CASK: variants seen among roughly 807,000 people sequenced by gnomAD.
CASK encodes peripheral plasma membrane protein CASK.
In CASK, 4 loss-of-function variants were observed where a neutral mutation model predicts 82.9. That is an observed-to-expected ratio of 0.05 (90% confidence interval 0.02 to 0.11). The LOEUF (loss-of-function observed/expected upper bound fraction) is 0.11. Ranked by LOEUF, CASK falls within the 10% of genes least tolerant of loss-of-function variation. CASK has a pLI of 1.00. For synonymous variants in CASK, 259 were observed against 253.5 expected, an observed-to-expected ratio of 1.02 and a Z score of -0.20; for missense variants, 358 against 720.9, an observed-to-expected ratio of 0.50 and a Z score of 5.76.
At chrX:41,824,196 A>G (rs2070609686) in intron 2 of CASK, among the ~76,000 whole-genome samples, 1 of 111,852 alleles carries the variant, frequency 8.9e-6, no homozygotes, top group African/African-American at 3.2e-5. Context: ...AGGAGGGGGA[A>G]AAAAAAGCAA....
rs113373203 is a variant in CASK, at chrX:41,799,438, G to T, written c.173-12155C>A. On this transcript the variant is annotated intron_variant, in intron 2 of 26. Transcript: ENST00000378163. ...GCCTGTAATCCCAGCTACTCAGGAG[G>T]CTGAGGCAGGGGACTCGCTTGAACC... Among the ~76,000 whole-genome samples the T allele has an allele frequency of 3.3e-3, 367 of 110,611 alleles. 3 individuals carry two copies. The highest frequency in any genetic ancestry group is 4.8e-3 in the Non-Finnish European group (252 of 52,817).
chrX:41,613,490 A>G (rs1343190606), intron 11 of CASK, among the ~76,000 whole-genome samples: 8 of 95,111 alleles, frequency 8.4e-5, no homozygotes, highest in African/African-American at 2.7e-4. Flanking sequence ...GGACACAAAC[A>G]CTGCGGAAGG....
chrX:41,757,423 A>G (rs904194032), intron 3 of CASK, among the ~76,000 whole-genome samples: 1 of 111,839 alleles, frequency 8.9e-6, no homozygotes. Context: ...TGCCTATTCT[A>G]GCTCCTAACT....
intron 8 of CASK, among the ~76,000 whole-genome samples, chrX:41,646,692 C>A (rs972759340): frequency 4.5e-5 from 5 of 111,886 alleles, no homozygotes; most frequent in African/African-American, 1.6e-4. Context: ...TACTTACCTC[C>A]AACCTGACTA....
chrX:41,520,737 T>C (rs2064625534), intron 26 of CASK, 141 bp from the exon 27 acceptor site: 3 of 537,153 alleles, frequency 5.6e-6, no homozygotes, highest in Non-Finnish European at 9.7e-6. Context: ...GACCCTGATA[T>C]GCCATATGCC....
At chrX:41,642,503 T>C (rs2066676712) in intron 8 of CASK, among the ~76,000 whole-genome samples, 1 of 112,627 alleles carries the variant, frequency 8.9e-6, no homozygotes. Context: ...CCAGTGATGA[T>C]GAGCATTTTT....
intron 1 of CASK, among the ~76,000 whole-genome samples, chrX:41,920,079 G>GGAGT (rs1221816800): frequency 8.9e-6 from 1 of 111,832 alleles, no homozygotes; most frequent in African/African-American, 3.2e-5. Context: ...CGTAGGTAGA[G>GGAGT]GAGTGAGTGG....
chrX:41,772,467 G>T (rs1479613799), intron 3 of CASK, among the ~76,000 whole-genome samples: 2 of 109,629 alleles, frequency 1.8e-5, no homozygotes, highest in African/African-American at 6.6e-5. Context: ...CAAATTACCA[G>T]TATCAAGAAT....
intron 3 of CASK, among the ~76,000 whole-genome samples, chrX:41,753,760 C>T (rs892054372): frequency 1.8e-5 from 2 of 111,081 alleles, no homozygotes; most frequent in African/African-American, 6.5e-5. Context: ...GCAGCACATG[C>T]CTGTAGTCCC....
chrX:41,721,332 T>C (rs1177223030), intron 5 of CASK, among the ~76,000 whole-genome samples: 1 of 111,683 alleles, frequency 9.0e-6, no homozygotes, highest in African/African-American at 3.3e-5. Context: ...AGAATGAAAA[T>C]AAAATTTACA....
intron 1 of CASK, among the ~76,000 whole-genome samples, chrX:41,854,216 G>A (rs1311962649): frequency 1.9e-4 from 12 of 62,668 alleles, no homozygotes; most frequent in African/African-American, 3.0e-4. Flanking sequence ...GCGCGCGCGC[G>A]GGCGCGCGCA....
intron 5 of CASK, among the ~76,000 whole-genome samples, chrX:41,725,952 A>G (rs1423308101): frequency 9.0e-6 from 1 of 111,698 alleles, no homozygotes. Context: ...CCTAGGCTCA[A>G]CTGATCCTCA....
intron 21 of CASK, among the ~76,000 whole-genome samples, chrX:41,544,565 A>T (rs1250929161): frequency 7.9e-5 from 7 of 89,171 alleles, no homozygotes; most frequent in Admixed American, 3.7e-4. Flanking sequence ...GACCTTGTCT[A>T]AAAAAAAAAA....
At chrX:41,820,104 AT>A (rs1045915717) in intron 2 of CASK, among the ~76,000 whole-genome samples, 4 of 110,980 alleles carry the variant, frequency 3.6e-5, no homozygotes, top group East Asian at 2.8e-4. Flanking sequence ...AATCTTAAGG[AT>A]TTTTTTTAAA....
chrX:41,776,235 T>G (rs2069362185), intron 3 of CASK, among the ~76,000 whole-genome samples: 1 of 112,295 alleles, frequency 8.9e-6, no homozygotes, highest in African/African-American at 3.2e-5. Flanking sequence ...TGAGCTATTA[T>G]GTTATGACAG....
intron 5 of CASK, among the ~76,000 whole-genome samples, chrX:41,672,535 A>G (rs1284831735): frequency 1.8e-5 from 2 of 111,529 alleles, no homozygotes; most frequent in Non-Finnish European, 3.8e-5. Flanking sequence ...TTTCTCATTC[A>G]TAAAAGGACA....
intron 5 of CASK, among the ~76,000 whole-genome samples, chrX:41,677,157 G>GA (rs200612019): frequency 0.067 from 3,591 of 53,351 alleles, 95 homozygotes; most frequent in Non-Finnish European, 0.099. Flanking sequence ...ATAGAAAAAT[G>GA]AAAAAAAAAA....
At chrX:41,632,733 A>C (rs918099173) in intron 9 of CASK, among the ~76,000 whole-genome samples, 10 of 111,859 alleles carry the variant, frequency 8.9e-5, no homozygotes, top group African/African-American at 3.2e-4. Context: ...AGTAAGTCAG[A>C]GAATACTTTT....
chrX:41,830,859 T>C (rs2070795302), intron 2 of CASK, among the ~76,000 whole-genome samples: 1 of 104,377 alleles, frequency 9.6e-6, no homozygotes, highest in Non-Finnish European at 2.0e-5. Flanking sequence ...TAGATAAACA[T>C]GGATTAGAAT....
Sources: allele counts gnomAD v4.1 joint callset (sites outside exome capture counted in the v4.1 genomes callset), GRCh38; gene constraint gnomAD v4.1.1; transcripts MANE v1.5; gene names NCBI Gene and HGNC (gene_info 2026-07-23, HGNC 2026-07-21).